URAD: variants seen among roughly 807,000 people sequenced by gnomAD.
URAD encodes the protein putative 2-oxo-4-hydroxy-4-carboxy-5-ureidoimidazoline decarboxylase.
URAD carries 4 observed loss-of-function variants against 4.6 expected under a neutral mutation model. That is an observed-to-expected ratio of 0.87 (90% CI 0.43 to 1.98). URAD has a LOEUF of 1.98. Ranked by LOEUF, URAD falls within the 30% of genes most tolerant of loss-of-function variation. The probability of loss-of-function intolerance (pLI) is 0.03; values close to 1 mark genes in which losing one functional copy is unlikely to be tolerated. For synonymous variants in URAD, 144 were observed against 118.2 expected, an observed-to-expected ratio of 1.22 and a Z score of -1.41; for missense variants, 300 against 255.3, an observed-to-expected ratio of 1.18 and a Z score of -1.19.
chr13:27,978,083 C>G lies in URAD; in HGVS notation c.*23G>C. The G allele has an allele frequency of 2.1e-6, 3 of 1,446,104 alleles. No homozygotes were observed. The highest frequency in any genetic ancestry group is 2.7e-6 in the Non-Finnish European group (3 of 1,114,138). The allele number at this position is 1,446,104 out of a possible 1,614,324, so 89.6% of individuals were successfully genotyped here. On this transcript the variant is annotated 3_prime_UTR_variant, in exon 2 of 2. Coordinates refer to ENST00000332715, the MANE Select transcript of URAD (RefSeq NM_001105577.2). ...CCCCCGCGCGTCCGGTTGTGCGTCC[C>G]GGGTCCCTGGCCCGCGCGGCAGCTA...
Position 27,978,882 on chromosome 13 carries a change from AG to A in URAD, c.176-431del, listed in dbSNP as rs142510139. Among the ~76,000 whole-genome samples, 364 of 152,130 alleles carry A rather than the reference AG, an allele frequency of 2.4e-3. 4 individuals carry two copies. The South Asian group carries it at 0.04, about 17-fold the overall frequency. On this transcript the variant is annotated intron_variant, in intron 1 of 1. Coordinates refer to ENST00000332715, the MANE Select transcript of URAD (RefSeq NM_001105577.2). ...CTATCTTTCAAAGTCCTTTGCTCTCAGGGGGGGCTTTGATGTCTAAAGGGGC... is the reference window on the plus strand; with the variant it reads ...CTATCTTTCAAAGTCCTTTGCTCTCAGGGGGGCTTTGATGTCTAAAGGGGC...
intron 1 of URAD, among the ~76,000 whole-genome samples, chr13:27,981,897 G>GT (rs1675448481): frequency 2.0e-5 from 3 of 152,134 alleles, no homozygotes; most frequent in African/African-American, 7.2e-5. Context: ...ATTCCCTGTT[G>GT]CTCTCTTGTT....
intron 1 of URAD, among the ~76,000 whole-genome samples, chr13:27,985,071 A>G (rs1446598341): frequency 6.6e-6 from 1 of 152,240 alleles, no homozygotes; most frequent in Non-Finnish European, 1.5e-5. Context: ...CTTTCCATAT[A>G]TGTATACATT....
intron 1 of URAD, among the ~76,000 whole-genome samples, chr13:27,982,873 A>G (rs1000349335): frequency 6.6e-6 from 1 of 152,142 alleles, no homozygotes; most frequent in African/African-American, 2.4e-5. Context: ...CCATTTAAAA[A>G]AATCCTGTTG....
At chr13:27,982,141 C>G (rs899457726) in intron 1 of URAD, among the ~76,000 whole-genome samples, 2 of 152,072 alleles carry the variant, frequency 1.3e-5, no homozygotes, top group African/African-American at 2.4e-5. Context: ...TAAAAAATGA[C>G]TATAAACGGC....
rs970928622 is a variant in URAD at position 27,978,337 on chromosome 13, G to A, written c.291C>T (p.Gly97=). 1.1e-5 allele frequency: 16 copies of A among 1,394,974 alleles called. No individual in the cohort carries two copies. In the African/African-American group the frequency reaches 2.4e-4, roughly 21 times the overall value. 86.4% of individuals were successfully genotyped at this position (1,394,974 alleles called of 1,614,324 possible). ...EQSGAGLRSL[G]ADERLRLAEL... The stretch of plus-strand genomic sequence containing the variant: ...CGGCCAGCCGCAGCCGCTCGTCCGC[G>A]CCCAGGCTCCTCAGGCCTGCGCCGC... Residue 97 remains glycine, a synonymous_variant, in exon 2 of 2, where the codon GGC becomes GGT. Transcript: ENST00000332715.
intron 1 of URAD, among the ~76,000 whole-genome samples, chr13:27,987,154 C>T (rs1158603960): frequency 6.6e-6 from 1 of 152,230 alleles, no homozygotes; most frequent in East Asian, 1.9e-4. Context: ...GCGGCATCGT[C>T]TGTTGGCTCC....
chr13:27,978,451 G>A lies in URAD; in HGVS notation c.177C>T (p.Gly59=). 7.5e-7 allele frequency: 1 copy of A among 1,333,560 alleles called. No individual in the cohort carries two copies. Among genetic ancestry groups the A allele is most frequent in the Non-Finnish European group, 9.5e-7 (1 of 1,048,824 alleles). The allele number at this position is 1,333,560 out of a possible 1,614,324, so 82.6% of individuals were successfully genotyped here. The change falls in exon 2 of 2, where the codon GGC becomes GGT. Residue 59 remains glycine, a splice_region_variant and synonymous_variant. Transcript: ENST00000332715. ...FAFIDALAQS[G]QEGILRCHPD... ...GGTGGCAGCGCAGGATGCCCTCCTGGCCTGCGGAGAAGCACAGACACCGGC... is the reference window on the plus strand; with the variant it reads ...GGTGGCAGCGCAGGATGCCCTCCTGACCTGCGGAGAAGCACAGACACCGGC...
intron 1 of URAD, 26 bp from the exon 2 acceptor site, chr13:27,978,478 G>A: frequency 2.3e-6 from 3 of 1,296,426 alleles, no homozygotes; most frequent in South Asian, 2.3e-5. Flanking sequence ...GACACCGGCG[G>A]GAGCGCGTCA....
intron 1 of URAD, among the ~76,000 whole-genome samples, chr13:27,987,900 A>AGAT (rs1414840394): frequency 1.8e-4 from 8 of 45,572 alleles, no homozygotes; most frequent in African/African-American, 4.9e-4. Context: ...GATGATAGAT[A>AGAT]GATAGATAGA....
At chr13:27,987,937 T>TC (rs1870083456) in intron 1 of URAD, among the ~76,000 whole-genome samples, 4 of 122,602 alleles carry the variant, frequency 3.3e-5, no homozygotes, top group Non-Finnish European at 5.2e-5. Context: ...TAGATAGATT[T>TC]TTAAAAACAA....
At chr13:27,984,688 C>A (rs186541305) in intron 1 of URAD, among the ~76,000 whole-genome samples, 1 of 152,096 alleles carries the variant, frequency 6.6e-6, no homozygotes, top group African/African-American at 2.4e-5. Flanking sequence ...GTAATAAATC[C>A]CATTTTAAGG....
Position 27,978,412 on chromosome 13 carries a change from G to A in URAD, c.216C>T (p.Gly72=), listed in dbSNP as rs1331796069. Residue 72 remains glycine, a synonymous_variant, in exon 2 of 2, where the codon GGC becomes GGT. Coordinates refer to ENST00000332715, the MANE Select transcript of URAD (RefSeq NM_001105577.2). ...TGAGCGTGCCCCGCTGCAGCTCGCT[G>A]CCCGCCAGGTCCGGGTGGCAGCGCA... ...GILRCHPDLA[G]SELQRGTLTA... 7.2e-7 allele frequency: 1 copy of A among 1,392,000 alleles called. No homozygotes were observed. The highest frequency in any genetic ancestry group is 9.3e-7 in the Non-Finnish European group (1 of 1,078,482). 86.2% of individuals were successfully genotyped at this position (1,392,000 alleles called of 1,614,324 possible). A position where few individuals can be genotyped will look rare whatever the true frequency, so the allele number is the denominator to read the frequency against.
At position 27,978,016 on chromosome 13, in the gene URAD, C is replaced by T. The variant is rs748509603; in HGVS notation, c.*90G>A. The T allele has an allele frequency of 5.7e-5, 65 of 1,136,198 alleles. 1 individual carries two copies. The South Asian group carries it at 1.2e-3, about 21-fold the overall frequency. 70.4% of individuals were successfully genotyped at this position (1,136,198 alleles called of 1,614,324 possible). On this transcript the variant is annotated 3_prime_UTR_variant, in exon 2 of 2. Transcript: ENST00000332715. Reference sequence around the variant, plus strand: ...ACGTGTGTGGACGCTGTTCCAGGCCCGAGTCCGCCTCCCGCCCAGGACGCA... The same window carrying T: ...ACGTGTGTGGACGCTGTTCCAGGCCTGAGTCCGCCTCCCGCCCAGGACGCA...
chr13:27,988,612 A>G lies in URAD; in HGVS notation c.26T>C (p.Met9Thr). MDIEKVNS[M>T]DLGEFVDVFG... is the part of the protein sequence containing the mutation. Reference sequence around the variant, plus strand: ...CACATCCACGAATTCTCCAAGGTCCATGGAGTTGACCTTCTCAATGTCCAT... The same window carrying G: ...CACATCCACGAATTCTCCAAGGTCCGTGGAGTTGACCTTCTCAATGTCCAT... Residue 9 changes from methionine (M) to threonine (T), a missense_variant, in exon 1 of 2, where the codon ATG becomes ACG. Physicochemically the swap from Met to Thr is moderately conservative, Grantham distance 81. Transcript: ENST00000332715. 1 of 1,612,178 alleles carries G rather than the reference A, an allele frequency of 6.2e-7. No individual in the cohort carries two copies. The highest frequency in any genetic ancestry group is 2.2e-5 in the East Asian group (1 of 44,812).
chr13:27,985,075 A>G (rs956709803), intron 1 of URAD, among the ~76,000 whole-genome samples: 1 of 152,234 alleles, frequency 6.6e-6, no homozygotes, highest in Non-Finnish European at 1.5e-5. Context: ...CCATATATGT[A>G]TACATTGTGA....
chr13:27,978,444 C>T lies in URAD; in HGVS notation c.184G>A (p.Gly62Ser), dbSNP rs1337163441. The change falls in exon 2 of 2, where the codon GGC becomes AGC. Residue 62 changes from glycine to serine, a missense_variant. Coordinates refer to ENST00000332715, the MANE Select transcript of URAD (RefSeq NM_001105577.2). ...AGGTCCGGGTGGCAGCGCAGGATGCCCTCCTGGCCTGCGGAGAAGCACAGA... is the reference window on the plus strand; with the variant it reads ...AGGTCCGGGTGGCAGCGCAGGATGCTCTCCTGGCCTGCGGAGAAGCACAGA... ...IDALAQSGQEGILRCHPDLAG... is the reference protein window; with the variant it reads ...IDALAQSGQESILRCHPDLAG... The T allele has an allele frequency of 6.0e-6, 8 of 1,341,174 alleles. No homozygotes were observed. In the African/African-American group the frequency reaches 1.1e-4, roughly 18 times the overall value. 83.1% of individuals were successfully genotyped at this position (1,341,174 alleles called of 1,614,324 possible).
chr13:27,986,762 C>T (rs997743781), intron 1 of URAD, among the ~76,000 whole-genome samples: 8 of 152,158 alleles, frequency 5.3e-5, no homozygotes, highest in African/African-American at 1.7e-4. Flanking sequence ...ATTTTGCCTC[C>T]TCTATTCTAT....
Position 27,988,666 on chromosome 13 carries a change from C to A in URAD, c.-29G>T, listed in dbSNP as rs953643605. On this transcript the variant is annotated 5_prime_UTR_variant, in exon 1 of 2. Coordinates refer to ENST00000332715, the MANE Select transcript of URAD (RefSeq NM_001105577.2). ...TTGTATTCCACTGGAGACAGCGGGA[C>A]GTCCAGCTCCCCTCTCGGTGAGTGA... The A allele has an allele frequency of 2.6e-6, 4 of 1,548,716 alleles. No homozygotes were observed. The highest frequency in any genetic ancestry group is 3.5e-6 in the Non-Finnish European group (4 of 1,145,982).
Sources: gnomAD v4.1 joint callset for allele counts (sites outside exome capture counted in the v4.1 genomes callset) on GRCh38, gnomAD v4.1.1 for gene constraint, MANE v1.5 for transcripts, NCBI Gene and HGNC (gene_info 2026-07-23, HGNC 2026-07-21) for gene names.